RBFOX1: variants seen among roughly 807,000 people sequenced by gnomAD.
RBFOX1 encodes RNA binding protein fox-1 homolog 1.
In RBFOX1, 8 loss-of-function variants were observed where a neutral mutation model predicts 57.7. The ratio of observed to expected loss-of-function variants is 0.14; its 90% confidence interval spans 0.08 to 0.25. The LOEUF is 0.25. Ranked by LOEUF, RBFOX1 falls within the 10% of genes least tolerant of loss-of-function variation. The probability of loss-of-function intolerance (pLI) is 1.00; values close to 1 mark genes in which losing one functional copy is unlikely to be tolerated. For synonymous variants in RBFOX1, 326 were observed against 222.4 expected, an observed-to-expected ratio of 1.47 and a Z score of -4.15; for missense variants, 611 against 548.5, an observed-to-expected ratio of 1.11 and a Z score of -1.14.
intron 1 of RBFOX1, among the ~76,000 whole-genome samples, chr16:6,298,009 T>C (rs1365321000): frequency 6.6e-6 from 1 of 152,212 alleles, no homozygotes; most frequent in Non-Finnish European, 1.5e-5. Flanking sequence ...GAGCTCAGGA[T>C]GCAGAAAGCT....
chr16:6,202,946 A>C (rs943804944), intron 1 of RBFOX1, among the ~76,000 whole-genome samples: 1 of 151,710 alleles, frequency 6.6e-6, no homozygotes, highest in Non-Finnish European at 1.5e-5. Context: ...ATAATTTTTC[A>C]TATTTTTTTG....
intron 10 of RBFOX1, 122 bp downstream of exon 10, chr16:7,607,460 G>A (rs2095322296): frequency 1.1e-6 from 1 of 935,094 alleles, no homozygotes; most frequent in South Asian, 1.5e-5. Flanking sequence ...AACAAGTTCT[G>A]AATGATTTCT....
chr16:7,157,972 G>C (rs1041015702), intron 4 of RBFOX1, among the ~76,000 whole-genome samples: 3 of 152,130 alleles, frequency 2.0e-5, no homozygotes, highest in Admixed American at 1.3e-4. Flanking sequence ...TAGATTTGTA[G>C]ATTGACAAAA....
chr16:7,420,610 A>AT (rs1239246965), intron 4 of RBFOX1, among the ~76,000 whole-genome samples: 19 of 150,284 alleles, frequency 1.3e-4, no homozygotes, highest in Admixed American at 7.3e-4. Context: ...CTTTCTGATG[A>AT]TTTTTTTTCC....
chr16:7,358,549 C>A (rs994172660), intron 4 of RBFOX1, among the ~76,000 whole-genome samples: 34 of 152,056 alleles, frequency 2.2e-4, no homozygotes, highest in Admixed American at 1.2e-3. Context: ...GCCTCCCTAG[C>A]AGCTGGAATT....
intron 1 of RBFOX1, among the ~76,000 whole-genome samples, chr16:6,145,627 C>G (rs1227764006): frequency 6.6e-6 from 1 of 152,104 alleles, no homozygotes; most frequent in African/African-American, 2.4e-5. Flanking sequence ...TCCACTTTCC[C>G]TCTTAGAGAG....
chr16:6,705,933 A>C (rs2062658914), intron 3 of RBFOX1, among the ~76,000 whole-genome samples: 1 of 152,136 alleles, frequency 6.6e-6, no homozygotes, highest in African/African-American at 2.4e-5. Context: ...TGGGAGGAGC[A>C]CTTGAGCCTG....
intron 3 of RBFOX1, among the ~76,000 whole-genome samples, chr16:5,744,288 G>A (rs1389346650): frequency 1.3e-5 from 2 of 152,056 alleles, no homozygotes; most frequent in South Asian, 2.1e-4. Flanking sequence ...CTGGGTTCCC[G>A]CAGCACCTTG....
intron 3 of RBFOX1, among the ~76,000 whole-genome samples, chr16:6,876,459 C>G (rs1209821272): frequency 1.3e-5 from 2 of 152,116 alleles, no homozygotes; most frequent in African/African-American, 4.8e-5. Context: ...TCAAAAATCA[C>G]CACCTTGGTT....
intron 4 of RBFOX1, among the ~76,000 whole-genome samples, chr16:7,115,396 A>G (rs893381308): frequency 6.6e-6 from 1 of 152,212 alleles, no homozygotes; most frequent in African/African-American, 2.4e-5. Context: ...GAAAACAGAA[A>G]CTAATTCTTT....
chr16:6,803,126 C>G (rs1261523957), intron 3 of RBFOX1, among the ~76,000 whole-genome samples: 1 of 151,074 alleles, frequency 6.6e-6, no homozygotes, highest in African/African-American at 2.4e-5. Context: ...CTGAGCTAGA[C>G]CATGCCTTGA....
intron 1 of RBFOX1, among the ~76,000 whole-genome samples, chr16:5,268,161 G>C (rs1054744500): frequency 1.6e-4 from 24 of 152,008 alleles, no homozygotes; most frequent in South Asian, 8.3e-4. Flanking sequence ...AGGTCTGGCT[G>C]GGCAAGCACC....
At chr16:7,098,508 A>T (rs1244303553) in intron 4 of RBFOX1, among the ~76,000 whole-genome samples, 1 of 152,222 alleles carries the variant, frequency 6.6e-6, no homozygotes, top group African/African-American at 2.4e-5. Flanking sequence ...TTGTAAAATT[A>T]AGCCAAAGAT....
chr16:7,286,196 T>C (rs1256407530), intron 4 of RBFOX1, among the ~76,000 whole-genome samples: 1 of 152,206 alleles, frequency 6.6e-6, no homozygotes, highest in Non-Finnish European at 1.5e-5. Flanking sequence ...TCAGAATGTC[T>C]AGCATGGAGT....
At chr16:6,178,575 G>A (rs1238398984) in intron 1 of RBFOX1, among the ~76,000 whole-genome samples, 3 of 152,072 alleles carry the variant, frequency 2.0e-5, no homozygotes, top group East Asian at 3.9e-4. Context: ...ATGAAGGAGA[G>A]CATATTTTTA....
At chr16:7,013,147 T>A (rs548224044) in intron 3 of RBFOX1, among the ~76,000 whole-genome samples, 1 of 152,200 alleles carries the variant, frequency 6.6e-6, no homozygotes, top group Non-Finnish European at 1.5e-5. Flanking sequence ...GGATTTCACA[T>A]ACAAATTTGT....
At chr16:6,200,557 A>C (rs1319436033) in intron 1 of RBFOX1, among the ~76,000 whole-genome samples, 1 of 152,194 alleles carries the variant, frequency 6.6e-6, no homozygotes, top group Non-Finnish European at 1.5e-5. Context: ...ACTTAAGGGG[A>C]AAATGGGATT....
intron 3 of RBFOX1, among the ~76,000 whole-genome samples, chr16:6,948,005 C>T (rs1441287635): frequency 6.6e-6 from 1 of 152,128 alleles, no homozygotes; most frequent in Non-Finnish European, 1.5e-5. Context: ...TCTCAAACTC[C>T]TGACCTAAAG....
chr16:6,711,927 C>G (rs1166499479), intron 3 of RBFOX1, among the ~76,000 whole-genome samples: 1 of 152,182 alleles, frequency 6.6e-6, no homozygotes, highest in Non-Finnish European at 1.5e-5. Flanking sequence ...AAATTGCCTT[C>G]TCCTACATTT....
Sources: allele counts gnomAD v4.1 joint callset (sites outside exome capture counted in the v4.1 genomes callset), GRCh38; gene constraint gnomAD v4.1.1; transcripts MANE v1.5; gene names NCBI Gene and HGNC (gene_info 2026-07-23, HGNC 2026-07-21).